Variants in ATP9A observed in about 807,000 individuals in gnomAD.
The protein encoded by ATP9A is ATPase phospholipid transporting 9A.
Under a neutral mutation model 144.1 loss-of-function variants are expected in ATP9A, and 52 were observed. The observed-to-expected ratio is 0.36, with a 90% CI of 0.29 to 0.45. ATP9A has a LOEUF of 0.45. Among genes scored for constraint, ATP9A ranks in the 20% least tolerant of loss-of-function variants. The pLI is 1.00. For missense variants in ATP9A, 947 were observed against 1,392.7 expected, an observed-to-expected ratio of 0.68 and a Z score of 5.09; for synonymous variants, 582 against 557.4, an observed-to-expected ratio of 1.04 and a Z score of -0.62.
At chr20:51,749,287 G>A (rs1010210420) in intron 1 of ATP9A, among the ~76,000 whole-genome samples, 4 of 151,960 alleles carry the variant, frequency 2.6e-5, no homozygotes, top group Non-Finnish European at 4.4e-5. Context: ...TTTTGAGACG[G>A]AGTCTCACTC....
chr20:51,679,423 T>C (rs1601099663), intron 9 of ATP9A, among the ~76,000 whole-genome samples: 1 of 151,850 alleles, frequency 6.6e-6, no homozygotes, highest in African/African-American at 2.4e-5. Flanking sequence ...ACCCAGGGAG[T>C]GCTGAGGAAC....
chr20:51,767,100 G>C (rs570871413), intron 1 of ATP9A, among the ~76,000 whole-genome samples: 1 of 140,638 alleles, frequency 7.1e-6, no homozygotes, highest in Admixed American at 7.2e-5. Flanking sequence ...TAATTCCACT[G>C]ACACCTGGTG....
rs201953331 is a variant in ATP9A, at chr20:51,617,588, T to C, written c.2351-34A>G. ...CACACAGACCAGAGAGAAAAGATGT[T>C]TCATTCTTACCTTAACCAAGAATGT... is the stretch of plus-strand genomic sequence containing the variant. On this transcript the variant is annotated intron_variant, in intron 21 of 27. Transcript: ENST00000338821. 9,286 of 1,602,276 alleles carry C rather than the reference T, an allele frequency of 5.8e-3. 44 individuals carry two copies. The highest frequency in any genetic ancestry group is 7.2e-3 in the Non-Finnish European group (8,400 of 1,173,798).
chr20:51,681,032 A>C (rs2077497752), intron 9 of ATP9A, among the ~76,000 whole-genome samples: 1 of 152,174 alleles, frequency 6.6e-6, no homozygotes, highest in Admixed American at 6.5e-5. Flanking sequence ...GGCATCTCCC[A>C]TGAACTGTCT....
chr20:51,676,225 A>C lies in ATP9A; in HGVS notation c.800-17T>G. The C allele has an allele frequency of 2.0e-6, 1 of 505,572 alleles. No homozygotes were observed. 31.3% of individuals were successfully genotyped at this position (505,572 alleles called of 1,614,324 possible). A position where few individuals can be genotyped will look rare whatever the true frequency, so the allele number is the denominator to read the frequency against. Reference sequence around the variant, plus strand: ...CAACAGTACCTAAAATGGAAAAAAGAAAAAAAAAAAAAGAAAAGAAATATT... The same window carrying C: ...CAACAGTACCTAAAATGGAAAAAAGCAAAAAAAAAAAAGAAAAGAAATATT... On this transcript the variant is annotated splice_polypyrimidine_tract_variant and intron_variant, in intron 9 of 27. Coordinates refer to ENST00000338821, the MANE Select transcript of ATP9A (RefSeq NM_006045.3).
At chr20:51,606,130 G>A (rs897612923) in intron 26 of ATP9A, among the ~76,000 whole-genome samples, 8 of 151,742 alleles carry the variant, frequency 5.3e-5, no homozygotes, top group Non-Finnish European at 8.8e-5. Flanking sequence ...TTAGGTGGGC[G>A]CCTGTAATCC....
Position 51,689,151 on chromosome 20 carries a change from C to G in ATP9A, c.724-12G>C. 1 of 1,613,328 alleles carries G rather than the reference C, an allele frequency of 6.2e-7. No homozygotes were observed. Among genetic ancestry groups the G allele is most frequent in the African/African-American group, 1.3e-5 (1 of 74,988 alleles). ...GGGTCGCTGTCTTCCTGGAAAAGAC[C>G]AAACGGACACACGTTCACCCCCCAA... On this transcript the variant is annotated splice_polypyrimidine_tract_variant and intron_variant, in intron 8 of 27. Coordinates refer to ENST00000338821, the MANE Select transcript of ATP9A (RefSeq NM_006045.3).
intron 23 of ATP9A, 127 bp from the exon 24 acceptor site, chr20:51,610,292 G>T (rs1215901497): frequency 1.5e-6 from 1 of 685,000 alleles, no homozygotes; most frequent in Admixed American, 2.7e-5. Context: ...ACTTTACATG[G>T]ATTTGCTCAT....
chr20:51,716,023 G>A (rs2077660360), intron 3 of ATP9A, among the ~76,000 whole-genome samples: 1 of 152,016 alleles, frequency 6.6e-6, no homozygotes, highest in Admixed American at 6.6e-5. Context: ...TGCCTGGGGT[G>A]GTGGGGGCGG....
intron 1 of ATP9A, among the ~76,000 whole-genome samples, chr20:51,760,004 A>G (rs766558896): frequency 6.6e-6 from 1 of 152,080 alleles, no homozygotes; most frequent in Non-Finnish European, 1.5e-5. Context: ...AAGGCTTCTC[A>G]TTGCAGCTCT....
chr20:51,716,048 A>C (rs933205088), intron 3 of ATP9A, among the ~76,000 whole-genome samples: 11 of 152,098 alleles, frequency 7.2e-5, no homozygotes, highest in African/African-American at 2.4e-4. Flanking sequence ...GGTGATAGGA[A>C]CAGGCACTGG....
At chr20:51,631,013 T>TC (rs1217541568) in intron 15 of ATP9A, among the ~76,000 whole-genome samples, 1 of 151,944 alleles carries the variant, frequency 6.6e-6, no homozygotes, top group Admixed American at 6.6e-5. Context: ...TCTGTTCGGC[T>TC]CCCCCAAAAA....
At chr20:51,630,165 AG>A (rs2077264650) in intron 15 of ATP9A, among the ~76,000 whole-genome samples, 1 of 152,250 alleles carries the variant, frequency 6.6e-6, no homozygotes, top group African/African-American at 2.4e-5. Flanking sequence ...GAACTCCTCC[AG>A]CCCTAAAAGT....
intron 3 of ATP9A, among the ~76,000 whole-genome samples, chr20:51,721,620 G>A (rs1196830336): frequency 2.0e-5 from 3 of 151,954 alleles, no homozygotes; most frequent in Non-Finnish European, 2.9e-5. Flanking sequence ...TAACACAGGT[G>A]AAACCCCCTC....
chr20:51,713,027 G>C lies in ATP9A; in HGVS notation c.375C>G (p.Ile125Met). The C allele has an allele frequency of 6.2e-6, 10 of 1,613,342 alleles. No homozygotes were observed. Among genetic ancestry groups the C allele is most frequent in the Non-Finnish European group, 7.6e-6 (9 of 1,179,736 alleles). The change falls in exon 4 of 28, where the codon ATC becomes ATG. Residue 125 changes from isoleucine to methionine, a missense_variant. Coordinates refer to ENST00000338821, the MANE Select transcript of ATP9A (RefSeq NM_006045.3). ...CTTCCTTGTCCCGCACGTAGCATCG[G>C]ATCTCCTCCACCGCCTCACGGATGA... ...VTVIREAVEE[I>M]RCYVRDKEVN...
At chr20:51,764,295 T>G (rs2077894533) in intron 1 of ATP9A, among the ~76,000 whole-genome samples, 1 of 152,214 alleles carries the variant, frequency 6.6e-6, no homozygotes, top group Non-Finnish European at 1.5e-5. Flanking sequence ...TCCCTGCCAT[T>G]TCACCACAAG....
At chr20:51,734,275 A>T (rs2077754228) in intron 1 of ATP9A, among the ~76,000 whole-genome samples, 1 of 151,558 alleles carries the variant, frequency 6.6e-6, no homozygotes. Context: ...GAGCCACCCC[A>T]CTCAGCCCCT....
intron 22 of ATP9A, among the ~76,000 whole-genome samples, chr20:51,616,149 A>T (rs2077202088): frequency 6.6e-6 from 1 of 152,138 alleles, no homozygotes; most frequent in Admixed American, 6.6e-5. Flanking sequence ...TCACTCTACA[A>T]CTTTAAATCA....
At chr20:51,637,335 C>T (rs1438136247) in intron 15 of ATP9A, among the ~76,000 whole-genome samples, 1 of 113,558 alleles carries the variant, frequency 8.8e-6, no homozygotes, top group South Asian at 3.0e-4. Context: ...AAAAAGACAA[C>T]TGGCTATCAC....
Sources: gnomAD v4.1 joint callset for allele counts (sites outside exome capture counted in the v4.1 genomes callset) on GRCh38, gnomAD v4.1.1 for gene constraint, MANE v1.5 for transcripts, NCBI Gene and HGNC (gene_info 2026-07-23, HGNC 2026-07-21) for gene names.